Variants in ECHDC2 observed in about 807,000 individuals in gnomAD.
ECHDC2 encodes enoyl-CoA hydratase domain-containing protein 2, mitochondrial.
Under a neutral mutation model 40.6 loss-of-function variants are expected in ECHDC2, and 34 were observed. That is an observed-to-expected ratio of 0.84 (90% CI 0.64 to 1.11). The LOEUF (loss-of-function observed/expected upper bound fraction) is 1.11, where lower values mean the gene tolerates loss of function less well. Among genes scored for constraint, ECHDC2 ranks in the 50% most tolerant of loss-of-function variants. The pLI is 0.00. For synonymous variants in ECHDC2, 162 were observed against 166.6 expected, an observed-to-expected ratio of 0.97 and a Z score of 0.21; for missense variants, 392 against 400.7, an observed-to-expected ratio of 0.98 and a Z score of 0.19.
intron 1 of ECHDC2, chr1:52,920,723 C>A: frequency 1.8e-5 from 10 of 547,886 alleles, no homozygotes; most frequent in Admixed American, 3.3e-5. Context: ...AGCTGTTGTA[C>A]ATTTAAGAAT....
rs893778454 is a variant in ECHDC2 at position 52,914,408 on chromosome 1, G to A, written c.122-2618C>T. ...GCAGGGAAGGGGGCAGTCCAGGAGA[G>A]AAGCCTGTTGCAGGCAGAGGGAGTG... On this transcript the variant is annotated intron_variant, in intron 1 of 9. Coordinates refer to ENST00000371522, the MANE Select transcript of ECHDC2 (RefSeq NM_001198961.2). The surrounding 1 kb of genome is among the most constrained non-coding windows in gnomAD (Gnocchi z 4.0). 2.6e-5 allele frequency among the ~76,000 whole-genome samples: 4 copies of A among 152,204 alleles called. No individual in the cohort carries two copies. In the South Asian group the frequency reaches 6.2e-4, roughly 24 times the overall value.
At position 52,914,953 on chromosome 1, in the gene ECHDC2, C is replaced by G. The variant is rs987667437; in HGVS notation, c.122-3163G>C. Among the ~76,000 whole-genome samples, 1 of 152,130 alleles carries G rather than the reference C, an allele frequency of 6.6e-6. No homozygotes were observed. Among genetic ancestry groups the G allele is most frequent in the Admixed American group, 6.5e-5 (1 of 15,274 alleles). ...TTGGGTCACAGTCATCTTTCTTACC[C>G]CAATCCGACCACGTCCCTCCCCTTC... On this transcript the variant is annotated intron_variant, in intron 1 of 9. Transcript: ENST00000371522. The surrounding 1 kb of genome is among the most constrained non-coding windows in gnomAD (Gnocchi z 4.0).
rs1650305889 is a variant in ECHDC2 at position 52,914,770 on chromosome 1, A to G, written c.122-2980T>C. Among the ~76,000 whole-genome samples, 1 of 152,056 alleles carries G rather than the reference A, an allele frequency of 6.6e-6. No homozygotes were observed. The highest frequency in any genetic ancestry group is 6.5e-5 in the Admixed American group (1 of 15,268). On this transcript the variant is annotated intron_variant, in intron 1 of 9. Coordinates refer to ENST00000371522, the MANE Select transcript of ECHDC2 (RefSeq NM_001198961.2). The surrounding 1 kb of genome is among the most constrained non-coding windows in gnomAD (Gnocchi z 4.0). The stretch of plus-strand genomic sequence containing the variant: ...TGCACTCAGTCACTAAGGCCTGCTA[A>G]TCCAACCTCTTAAAGAGATCTCAGG...
chr1:52,903,793 C>T (rs1265186026), intron 7 of ECHDC2, among the ~76,000 whole-genome samples: 1 of 151,564 alleles, frequency 6.6e-6, no homozygotes, highest in Admixed American at 6.6e-5. Context: ...TAATACATGT[C>T]CTGTATGTTG....
chr1:52,896,493 C>A lies in ECHDC2; in HGVS notation c.*27G>T, dbSNP rs1205972008. On this transcript the variant is annotated 3_prime_UTR_variant, in exon 10 of 10. Transcript: ENST00000371522. ...GGATCCTGCTCTTCAGGGCATGCATCTCCCATGCTGAAGGTTAAAATGGGG... is the reference window on the plus strand; with the variant it reads ...GGATCCTGCTCTTCAGGGCATGCATATCCCATGCTGAAGGTTAAAATGGGG... 6 of 1,590,620 alleles carry A rather than the reference C, an allele frequency of 3.8e-6. No individual in the cohort carries two copies. In the South Asian group the frequency reaches 5.5e-5, roughly 15 times the overall value.
intron 3 of ECHDC2, 23 bp from the exon 4 acceptor site, chr1:52,907,977 C>T (rs369927995): frequency 1.2e-6 from 2 of 1,612,204 alleles, no homozygotes; most frequent in South Asian, 2.2e-5. Context: ...AGGGTTGGTA[C>T]CAGCCCTTAG....
chr1:52,915,957 C>T (rs1020283942), intron 1 of ECHDC2, among the ~76,000 whole-genome samples: 12 of 152,138 alleles, frequency 7.9e-5, no homozygotes, highest in Admixed American at 2.6e-4. Flanking sequence ...GAGTGACCCC[C>T]GGCCAACAAT....
In ECHDC2 at chr1:52,915,007, A is replaced by G. The variant is rs1391467130; in HGVS notation, c.122-3217T>C. On this transcript the variant is annotated intron_variant, in intron 1 of 9. Transcript: ENST00000371522. ...CTTCTTTTCCTCAAAATAAAGTTCA[A>G]CTCCTTAATACCGACCATAAGGCCC... 1.8e-5 allele frequency: 5 copies of G among 285,174 alleles called. No individual in the cohort carries two copies. The Admixed American group carries it at 2.0e-4, about 11-fold the overall frequency. 17.7% of individuals were successfully genotyped at this position (285,174 alleles called of 1,614,324 possible). A position where few individuals can be genotyped will look rare whatever the true frequency, so the allele number is the denominator to read the frequency against.
intron 8 of ECHDC2, 134 bp downstream of exon 8, chr1:52,899,040 G>A: frequency 1.2e-6 from 1 of 865,300 alleles, no homozygotes; most frequent in Non-Finnish European, 1.9e-6. Flanking sequence ...TAGAGCACGA[G>A]GTCAGAGTTC....
intron 3 of ECHDC2, among the ~76,000 whole-genome samples, chr1:52,909,540 AC>A (rs1326558023): frequency 3.9e-4 from 59 of 150,720 alleles, no homozygotes; most frequent in East Asian, 7.9e-4. Context: ...AAAAAAAAAA[AC>A]ACCACACAAA....
intron 7 of ECHDC2, chr1:52,900,578 A>G (rs1234543664): frequency 2.0e-5 from 3 of 152,352 alleles, no homozygotes; most frequent in East Asian, 1.9e-4. Flanking sequence ...GCATATGTGC[A>G]TAATACACGT....
chr1:52,899,495 G>C (rs1646854026), intron 7 of ECHDC2: 2 of 489,440 alleles, frequency 4.1e-6, no homozygotes, highest in African/African-American at 3.9e-5. Context: ...AGTTTACAAA[G>C]TGCTTTCCTC....
intron 1 of ECHDC2, among the ~76,000 whole-genome samples, chr1:52,921,042 A>G (rs74081283): frequency 0.057 from 8,629 of 152,322 alleles, 398 homozygotes; most frequent in African/African-American, 0.12. Context: ...CTTGGCCAAA[A>G]GGCGGAGAAA....
intron 7 of ECHDC2, among the ~76,000 whole-genome samples, chr1:52,902,591 A>T (rs954618734): frequency 6.6e-6 from 1 of 152,260 alleles, no homozygotes; most frequent in African/African-American, 2.4e-5. Context: ...TGCTAAGCCA[A>T]AATGGTTACT....
At chr1:52,910,368 T>G (rs1434989819) in intron 3 of ECHDC2, among the ~76,000 whole-genome samples, 3 of 112,234 alleles carry the variant, frequency 2.7e-5, no homozygotes, top group Non-Finnish European at 3.6e-5. Context: ...TTTTTTTTTT[T>G]TTTTTTTTTT....
chr1:52,897,708 A>G (rs1646727745), intron 8 of ECHDC2: 1 of 601,696 alleles, frequency 1.7e-6, no homozygotes, highest in Admixed American at 2.7e-5. Flanking sequence ...TCTCCTTCCC[A>G]TCCGGCTGCC....
In ECHDC2 at chr1:52,914,092, C is replaced by G. The variant is rs1186103211; in HGVS notation, c.122-2302G>C. 3.4e-6 allele frequency: 2 copies of G among 588,302 alleles called. No homozygotes were observed. The highest frequency in any genetic ancestry group is 1.3e-4 in the East Asian group (2 of 14,900). 36.4% of individuals were successfully genotyped at this position (588,302 alleles called of 1,614,324 possible). On this transcript the variant is annotated intron_variant, in intron 1 of 9. Transcript: ENST00000371522. This position sits in a 1 kb window ranked among gnomAD's most constrained non-coding sequence, Gnocchi z 4.0. ...TCAAGGCCTGTCCTCATGGAACCTACAGCCTAGTGGGGAAGACAGACATTA... is the reference window on the plus strand; with the variant it reads ...TCAAGGCCTGTCCTCATGGAACCTAGAGCCTAGTGGGGAAGACAGACATTA...
intron 7 of ECHDC2, chr1:52,900,390 C>CGAA (rs1646914584): frequency 6.6e-6 from 1 of 151,972 alleles, no homozygotes; most frequent in South Asian, 2.1e-4. Flanking sequence ...GTTTTATAAA[C>CGAA]GAAGGTTTAT....
chr1:52,903,586 C>T (rs927216006), intron 7 of ECHDC2, among the ~76,000 whole-genome samples: 2 of 151,364 alleles, frequency 1.3e-5, no homozygotes, highest in East Asian at 2.0e-4. Flanking sequence ...ATTACAGGCT[C>T]GAACTACCAC....
Sources: gnomAD v4.1 joint callset for allele counts (sites outside exome capture counted in the v4.1 genomes callset) on GRCh38, gnomAD v4.1.1 for gene constraint, Gnocchi (gnomAD v3.1) non-coding constraint, MANE v1.5 for transcripts, NCBI Gene and HGNC (gene_info 2026-07-23, HGNC 2026-07-21) for gene names.